TLL2: variants seen among roughly 807,000 people sequenced by gnomAD.
TLL2 encodes tolloid like 2.
A neutral mutation model predicts 123.0 loss-of-function variants in TLL2; 106 were observed. The ratio of observed to expected loss-of-function variants is 0.86; its 90% confidence interval spans 0.74 to 1.01. The LOEUF (loss-of-function observed/expected upper bound fraction) is 1.01, where lower values mean the gene tolerates loss of function less well. TLL2 is among the 50% of genes least tolerant of loss of function. The probability of loss-of-function intolerance (pLI) is 0.00; values close to 1 mark genes in which losing one functional copy is unlikely to be tolerated. For synonymous variants in TLL2, 494 were observed against 516.8 expected (o/e 0.96, Z 0.60); for missense variants, 1,332 against 1,336.7 (o/e 1.00, Z 0.06).
Position 96,379,025 on chromosome 10 carries a change from G to T in TLL2, c.2262C>A (p.Tyr754Ter), listed in dbSNP as rs767335146. ...QHECVNTFGS[Y>*]LCRCRNGYWL... ...AGTAGCCGTTTCTGCACCTGCACAG[G>T]TAGCTCCCGAAGGTGTTGACGCACT... Residue 754 changes from tyrosine (Y) to a stop codon, truncating the protein, a stop_gained, in exon 17 of 21, where the codon TAC (tyrosine) becomes TAA (stop). Transcript: ENST00000357947. LOFTEE classifies it high-confidence loss of function. 10 of 1,614,216 alleles carry T rather than the reference G, an allele frequency of 6.2e-6. No homozygotes were observed. Among genetic ancestry groups the T allele is most frequent in the Non-Finnish European group, 8.5e-6 (10 of 1,180,032 alleles).
chr10:96,473,252 C>T (rs377184331), intron 2 of TLL2, among the ~76,000 whole-genome samples: 87 of 151,998 alleles, frequency 5.7e-4, no homozygotes, highest in African/African-American at 2.0e-3. Flanking sequence ...ATCAGGAGTT[C>T]GAGACCAGCC....
intron 19 of TLL2, 155 bp downstream of exon 19, chr10:96,373,441 T>C (rs916294683): frequency 1.8e-5 from 13 of 716,400 alleles, no homozygotes; most frequent in Middle Eastern, 4.0e-4. Flanking sequence ...ACGCCCAGCT[T>C]GATGCTTCAT....
chr10:96,376,602 C>T (rs1589404997), intron 18 of TLL2, 90 bp downstream of exon 18: 3 of 1,412,242 alleles, frequency 2.1e-6, no homozygotes, highest in African/African-American at 2.9e-5. Context: ...TTCCAAGTTA[C>T]AGAGCTGGGA....
chr10:96,447,010 G>A (rs1412301128), intron 2 of TLL2, among the ~76,000 whole-genome samples: 2 of 152,220 alleles, frequency 1.3e-5, no homozygotes, highest in South Asian at 2.1e-4. Flanking sequence ...CTCTGAAGAA[G>A]ATCAAAACCA....
Position 96,513,713 on chromosome 10 carries a change from G to C in TLL2, c.-28C>G. 1.4e-6 allele frequency: 2 copies of C among 1,473,782 alleles called. No individual in the cohort carries two copies. The highest frequency in any genetic ancestry group is 1.8e-6 in the Non-Finnish European group (2 of 1,117,406). The allele number at this position is 1,473,782 out of a possible 1,614,324, so 91.3% of individuals were successfully genotyped here. A position where few individuals can be genotyped will look rare whatever the true frequency, so the allele number is the denominator to read the frequency against. On this transcript the variant is annotated 5_prime_UTR_variant, in exon 1 of 21. Coordinates refer to ENST00000357947, the MANE Select transcript of TLL2 (RefSeq NM_012465.4). ...TGGCGCGGGGCCGGCTGGGGCAGAG[G>C]GAGTTGCGTGCACGAAAGCTCAGCT... is the stretch of plus-strand genomic sequence containing the variant.
In TLL2 at chr10:96,420,976, G is replaced by T; in HGVS notation, c.903C>A (p.Tyr301Ter). 1 of 1,614,048 alleles carries T rather than the reference G, an allele frequency of 6.2e-7. No individual in the cohort carries two copies. Among genetic ancestry groups the T allele is most frequent in the Non-Finnish European group, 8.5e-7 (1 of 1,179,946 alleles). ...CCGACCTTGAGAAGGTGTTCCGGGC[G>T]TAGTGCATGATGCTGTCAAAGTCGT... ...ETYDFDSIMH[Y>*]ARNTFSRGVF... The change falls in exon 7 of 21, where the codon TAC (tyrosine) becomes TAA (stop). Residue 301 changes from tyrosine to a stop codon, truncating the protein, a stop_gained. Transcript: ENST00000357947. LOFTEE classifies it high-confidence loss of function.
chr10:96,438,529 G>A lies in TLL2; in HGVS notation c.365-5567C>T, dbSNP rs559603963. ...TTGAACTCATTGATTGGTTCTAGGA[G>A]GTTTTTGGGCTTTTCTTTTTCCTTA... On this transcript the variant is annotated intron_variant, in intron 3 of 20. Transcript: ENST00000357947. 3.3e-5 allele frequency among the ~76,000 whole-genome samples: 5 copies of A among 152,262 alleles called. No homozygotes were observed. In the South Asian group the frequency reaches 1.0e-3, roughly 32 times the overall value.
At chr10:96,429,704 T>G (rs1846718267) in intron 4 of TLL2, among the ~76,000 whole-genome samples, 1 of 152,256 alleles carries the variant, frequency 6.6e-6, no homozygotes, top group Non-Finnish European at 1.5e-5. Context: ...GGTGCTCCCA[T>G]GCACTTTAAA....
intron 2 of TLL2, among the ~76,000 whole-genome samples, chr10:96,451,779 A>T (rs972461479): frequency 6.6e-6 from 1 of 152,166 alleles, no homozygotes; most frequent in African/African-American, 2.4e-5. Flanking sequence ...ATCACTAGGG[A>T]CACACCGCCA....
In TLL2 at chr10:96,432,866, C is replaced by T. The variant is rs1045678069; in HGVS notation, c.461G>A (p.Arg154Lys). 1.2e-6 allele frequency: 2 copies of T among 1,613,980 alleles called. No individual in the cohort carries two copies. Among genetic ancestry groups the T allele is most frequent in the African/African-American group, 2.7e-5 (2 of 74,892 alleles). ...SPRVRRATTSRTERIWPGGVI... is the reference protein window; with the variant it reads ...SPRVRRATTSKTERIWPGGVI... ...TCCTCCAGGCCATATCCTCTCTGTC[C>T]TTGAGGTTGTGGCTCTTCGGACCCG... Residue 154 changes from arginine to lysine, a missense_variant, in exon 4 of 21, where the codon AGG (arginine) becomes AAG (lysine). Coordinates refer to ENST00000357947, the MANE Select transcript of TLL2 (RefSeq NM_012465.4).
intron 10 of TLL2, among the ~76,000 whole-genome samples, chr10:96,404,051 A>G (rs989646597): frequency 6.6e-6 from 1 of 151,980 alleles, no homozygotes; most frequent in South Asian, 2.1e-4. Flanking sequence ...CTCTCCTACT[A>G]CATTCCTTTT....
chr10:96,488,651 G>A (rs1482721846), intron 1 of TLL2, among the ~76,000 whole-genome samples: 7 of 152,198 alleles, frequency 4.6e-5, no homozygotes, highest in South Asian at 2.1e-4. Flanking sequence ...CTGCACCCCA[G>A]AACACAGGTC....
rs964258316 is a variant in TLL2 at position 96,365,085 on chromosome 10, T to C, written c.*3003A>G. On this transcript the variant is annotated 3_prime_UTR_variant, in exon 21 of 21. Transcript: ENST00000357947. ...GAATTATCTTGGGCCACACATAAAA[T>C]ACACTAACGATAGCTGACGAGAAAA... is the stretch of plus-strand genomic sequence containing the variant. 1 of 151,786 alleles carries C rather than the reference T, an allele frequency of 6.6e-6. No individual in the cohort carries two copies. Among genetic ancestry groups the C allele is most frequent in the African/African-American group, 2.4e-5 (1 of 41,258 alleles). 9.4% of individuals were successfully genotyped at this position (151,786 alleles called of 1,614,324 possible). A position where few individuals can be genotyped will look rare whatever the true frequency, so the allele number is the denominator to read the frequency against.
intron 1 of TLL2, among the ~76,000 whole-genome samples, chr10:96,503,794 G>A (rs1589438482): frequency 6.6e-6 from 1 of 152,302 alleles, no homozygotes; most frequent in East Asian, 1.9e-4. Flanking sequence ...TCTCGTCCTT[G>A]TCAGATTCCT....
At chr10:96,407,553 T>C (rs1358059741) in intron 9 of TLL2, among the ~76,000 whole-genome samples, 3 of 152,160 alleles carry the variant, frequency 2.0e-5, no homozygotes, top group East Asian at 3.9e-4. Flanking sequence ...TGGCACACCA[T>C]AGGCACTCGA....
At chr10:96,436,911 C>A (rs191891558) in intron 3 of TLL2, among the ~76,000 whole-genome samples, 1 of 152,256 alleles carries the variant, frequency 6.6e-6, no homozygotes, top group Non-Finnish European at 1.5e-5. Flanking sequence ...GTCTCAAACT[C>A]CTGAGCTAAA....
intron 10 of TLL2, among the ~76,000 whole-genome samples, chr10:96,404,770 C>T (rs1028890003): frequency 6.6e-6 from 1 of 152,020 alleles, no homozygotes; most frequent in African/African-American, 2.4e-5. Context: ...AAATGGAATC[C>T]TACTGCTTAT....
At chr10:96,427,265 T>C (rs1015341478) in intron 5 of TLL2, among the ~76,000 whole-genome samples, 5 of 152,222 alleles carry the variant, frequency 3.3e-5, no homozygotes, top group African/African-American at 9.6e-5. Flanking sequence ...ATGTTCTTAA[T>C]GCTTAATAGA....
At chr10:96,467,310 G>A (rs1343419782) in intron 2 of TLL2, among the ~76,000 whole-genome samples, 1 of 152,064 alleles carries the variant, frequency 6.6e-6, no homozygotes, top group African/African-American at 2.4e-5. Flanking sequence ...CATACAGCCT[G>A]GAAATCCCGG....
Sources: allele counts gnomAD v4.1 joint callset (sites outside exome capture counted in the v4.1 genomes callset), GRCh38; gene constraint gnomAD v4.1.1; transcripts MANE v1.5; gene names NCBI Gene and HGNC (gene_info 2026-07-23, HGNC 2026-07-21).